CELF4: variants seen among roughly 807,000 people sequenced by gnomAD.
CELF4 encodes the protein CUG-BP- and ETR-3-like factor 4.
Under a neutral mutation model 59.9 loss-of-function variants are expected in CELF4, and 18 were observed. The observed-to-expected ratio is 0.30, with a 90% CI of 0.21 to 0.45. CELF4 has a LOEUF of 0.45. Among genes scored for constraint, CELF4 ranks in the 20% least tolerant of loss-of-function variants. The probability of loss-of-function intolerance (pLI) is 1.00; values close to 1 mark genes in which losing one functional copy is unlikely to be tolerated. For missense variants in CELF4, 456 were observed against 689.0 expected, an observed-to-expected ratio of 0.66 and a Z score of 3.79; for synonymous variants, 261 against 267.1, an observed-to-expected ratio of 0.98 and a Z score of 0.22.
intron 3 of CELF4, among the ~76,000 whole-genome samples, chr18:37,302,420 A>T (rs1011081283): frequency 6.6e-6 from 1 of 152,096 alleles, no homozygotes. Flanking sequence ...CTCTTATTGG[A>T]TGGGAATTAT....
intron 2 of CELF4, among the ~76,000 whole-genome samples, chr18:37,422,798 C>T (rs2099586254): frequency 6.6e-6 from 1 of 152,188 alleles, no homozygotes; most frequent in Non-Finnish European, 1.5e-5. Flanking sequence ...TGGCCAGAGA[C>T]TACCCCCACT....
At position 37,456,653 on chromosome 18, in the gene CELF4, C is replaced by T. The variant is rs543041515; in HGVS notation, c.369+28872G>A. 7.9e-5 allele frequency among the ~76,000 whole-genome samples: 12 copies of T among 152,274 alleles called. No individual in the cohort carries two copies. The East Asian group carries it at 2.3e-3, about 30-fold the overall frequency. On this transcript the variant is annotated intron_variant, in intron 2 of 12. Coordinates refer to ENST00000420428, the MANE Select transcript of CELF4 (RefSeq NM_020180.4). The stretch of plus-strand genomic sequence containing the variant: ...AATTAGGATGGGTCTTCTTAGCCCC[C>T]ATTTATAGCTGGGGAAACTGAGGCC...
chr18:37,341,692 G>A (rs1264596020), intron 2 of CELF4, among the ~76,000 whole-genome samples: 1 of 152,162 alleles, frequency 6.6e-6, no homozygotes, highest in East Asian at 1.9e-4. Flanking sequence ...TGCTCCAGAG[G>A]GGACCCTGCC....
intron 1 of CELF4, among the ~76,000 whole-genome samples, chr18:37,489,843 T>G (rs887171367): frequency 6.6e-6 from 1 of 152,070 alleles, no homozygotes; most frequent in Non-Finnish European, 1.5e-5. Context: ...CTGTGGAGGG[T>G]GCCTCATCCT....
At chr18:37,369,845 G>T (rs563168959) in intron 2 of CELF4, among the ~76,000 whole-genome samples, 11 of 152,334 alleles carry the variant, frequency 7.2e-5, no homozygotes, top group African/African-American at 2.6e-4. Context: ...CAGCACAACA[G>T]ATCCCAAGAG....
At chr18:37,266,993 G>A (rs1359625577) in intron 8 of CELF4, among the ~76,000 whole-genome samples, 2 of 152,104 alleles carry the variant, frequency 1.3e-5, no homozygotes, top group Non-Finnish European at 2.9e-5. Context: ...GAAAGGGGAG[G>A]GGGCTGGCAG....
chr18:37,513,884 G>T (rs781780333), intron 1 of CELF4, among the ~76,000 whole-genome samples: 1 of 151,752 alleles, frequency 6.6e-6, no homozygotes, highest in Non-Finnish European at 1.5e-5. Flanking sequence ...CTCTTGTGTT[G>T]TCCTCTGATG....
chr18:37,551,364 C>T (rs116644107), intron 1 of CELF4, among the ~76,000 whole-genome samples: 98 of 152,320 alleles, frequency 6.4e-4, no homozygotes, highest in African/African-American at 2.2e-3. Context: ...GGGAGAAGTA[C>T]GCCCATTCCA....
intron 3 of CELF4, among the ~76,000 whole-genome samples, chr18:37,277,167 T>G (rs1203709615): frequency 6.6e-6 from 1 of 152,154 alleles, no homozygotes; most frequent in Non-Finnish European, 1.5e-5. Context: ...CACTCAGCAC[T>G]GGGCCAGTTC....
intron 2 of CELF4, among the ~76,000 whole-genome samples, chr18:37,448,151 G>A (rs549853007): frequency 6.6e-6 from 1 of 152,370 alleles, no homozygotes; most frequent in Admixed American, 6.5e-5. Context: ...TGGATGCTCA[G>A]TGGTGCTGAC....
At chr18:37,360,685 T>C (rs955230893) in intron 2 of CELF4, among the ~76,000 whole-genome samples, 3 of 152,204 alleles carry the variant, frequency 2.0e-5, no homozygotes, top group Non-Finnish European at 2.9e-5. Flanking sequence ...AGGCTTCTTC[T>C]GGGCAGGGAA....
intron 2 of CELF4, among the ~76,000 whole-genome samples, chr18:37,453,694 G>T (rs2099770313): frequency 6.6e-6 from 1 of 152,150 alleles, no homozygotes; most frequent in African/African-American, 2.4e-5. Context: ...GCCTGCCTGG[G>T]GTGGAATTCA....
intron 1 of CELF4, among the ~76,000 whole-genome samples, chr18:37,547,591 C>T (rs915233971): frequency 6.6e-6 from 1 of 152,176 alleles, no homozygotes; most frequent in African/African-American, 2.4e-5. Flanking sequence ...TGTGGGTTGA[C>T]GCAGAAGGGA....
chr18:37,485,520 CT>C lies in CELF4; in HGVS notation c.369+4del. The stretch of plus-strand genomic sequence containing the variant: ...GCCGCTTGCGCCACGGCGGGCGCCA[CT>C]TACCCCGGGCAGAGTCTTCTGCTCG... On this transcript the variant is annotated splice_donor_region_variant and intron_variant, in intron 2 of 12. Coordinates refer to ENST00000420428, the MANE Select transcript of CELF4 (RefSeq NM_020180.4). 7.3e-7 allele frequency: 1 copy of C among 1,364,110 alleles called. No individual in the cohort carries two copies. Among genetic ancestry groups the C allele is most frequent in the Non-Finnish European group, 9.5e-7 (1 of 1,047,930 alleles). 84.5% of individuals were successfully genotyped at this position (1,364,110 alleles called of 1,614,324 possible). A position where few individuals can be genotyped will look rare whatever the true frequency, so the allele number is the denominator to read the frequency against.
chr18:37,514,887 A>T (rs1347616001), intron 1 of CELF4, among the ~76,000 whole-genome samples: 4 of 152,196 alleles, frequency 2.6e-5, no homozygotes, highest in African/African-American at 7.2e-5. Flanking sequence ...AGGATATTTT[A>T]AAAATAAATT....
intron 2 of CELF4, among the ~76,000 whole-genome samples, chr18:37,384,320 G>A (rs556990452): frequency 6.6e-6 from 1 of 152,310 alleles, no homozygotes; most frequent in Admixed American, 6.5e-5. Context: ...GTCGGGTTGT[G>A]CTAATTTGCA....
intron 1 of CELF4, among the ~76,000 whole-genome samples, chr18:37,499,420 A>G (rs2099928923): frequency 2.0e-5 from 3 of 152,126 alleles, no homozygotes. Flanking sequence ...GTTGCAGACA[A>G]GGTTTACAGG....
At chr18:37,360,720 G>C (rs1453185008) in intron 2 of CELF4, among the ~76,000 whole-genome samples, 1 of 152,162 alleles carries the variant, frequency 6.6e-6, no homozygotes, top group African/African-American at 2.4e-5. Context: ...CTTGATATTT[G>C]GGTTCTGTAC....
intron 1 of CELF4, among the ~76,000 whole-genome samples, chr18:37,521,682 C>T (rs1341435170): frequency 6.6e-6 from 1 of 152,150 alleles, no homozygotes; most frequent in Non-Finnish European, 1.5e-5. Context: ...CTGTCTCCCG[C>T]GTGACATTTT....
Sources: allele counts gnomAD v4.1 joint callset (sites outside exome capture counted in the v4.1 genomes callset), GRCh38; gene constraint gnomAD v4.1.1; transcripts MANE v1.5; gene names NCBI Gene and HGNC (gene_info 2026-07-23, HGNC 2026-07-21).